CGB7: variants seen among roughly 807,000 people sequenced by gnomAD.
CGB7 encodes the protein chorionic gonadotropin subunit beta 7.
In CGB7, 6 loss-of-function variants were observed where a neutral mutation model predicts 7.3. The ratio of observed to expected loss-of-function variants is 0.82; its 90% CI spans 0.45 to 1.62. The LOEUF is 1.62. CGB7 is among the 40% of genes most tolerant of loss of function. CGB7 has a pLI of 0.01. For synonymous variants in CGB7, 47 were observed against 100.8 expected, an observed-to-expected ratio of 0.47 and a Z score of 3.20; for missense variants, 114 against 236.2, an observed-to-expected ratio of 0.48 and a Z score of 3.39.
rs1388342373 is a variant in CGB7, at chr19:49,056,230, G to A, written c.-855C>T. On this transcript the variant is annotated 5_prime_UTR_variant, in exon 3 of 5. Coordinates refer to ENST00000684222, the MANE Select transcript of CGB7 (RefSeq NM_001385261.1). ...GCCCAGAGCTCTGCTCCGCCCCCAC[G>A]CCAGGGGGCGTGTCTGGGGTGGGGC... 7.8e-7 allele frequency: 1 copy of A among 1,287,872 alleles called. No individual in the cohort carries two copies. The highest frequency in any genetic ancestry group is 2.3e-5 in the Admixed American group (1 of 43,266). The allele number at this position is 1,287,872 out of a possible 1,614,324, so 79.8% of individuals were successfully genotyped here. A position where few individuals can be genotyped will look rare whatever the true frequency, so the allele number is the denominator to read the frequency against.
chr19:49,057,029 G>A, intron 2 of CGB7, 92 bp downstream of exon 2: 1 of 1,349,360 alleles, frequency 7.4e-7, no homozygotes. Flanking sequence ...GAGACCACCG[G>A]TCAGGGAATG....
rs1165988461 is a variant in CGB7 at position 49,055,020 on chromosome 19, A to T, written c.16-12T>A. ...AACAGCAGCAGCCCCTGGGACAAGGACACTGCTTCACCCGGGCCTGAGACC... is the reference window on the plus strand; with the variant it reads ...AACAGCAGCAGCCCCTGGGACAAGGTCACTGCTTCACCCGGGCCTGAGACC... On this transcript the variant is annotated splice_polypyrimidine_tract_variant and intron_variant, in intron 3 of 4. Transcript: ENST00000684222. 6.2e-6 allele frequency: 10 copies of T among 1,601,272 alleles called. No individual in the cohort carries two copies. The Admixed American group carries it at 8.3e-5, about 13-fold the overall frequency.
At position 49,055,447 on chromosome 19, in the gene CGB7, A is replaced by C; in HGVS notation, c.-72T>G. The C allele has an allele frequency of 6.2e-7, 1 of 1,606,806 alleles. No individual in the cohort carries two copies. Among genetic ancestry groups the C allele is most frequent in the South Asian group, 1.1e-5 (1 of 89,356 alleles). ...TTGTGGGGGCGTCAAGGCCACCAGG[A>C]GGTTGTAGGATGCTGGAGTGAGCTG... On this transcript the variant is annotated 5_prime_UTR_variant, in exon 3 of 5. Transcript: ENST00000684222.
Position 49,055,592 on chromosome 19 carries a change from C to A in CGB7, c.-217G>T, listed in dbSNP as rs974591937. 3 of 1,467,914 alleles carry A rather than the reference C, an allele frequency of 2.0e-6. No homozygotes were observed. Among genetic ancestry groups the A allele is most frequent in the Non-Finnish European group, 1.8e-6 (2 of 1,111,306 alleles). 90.9% of individuals were successfully genotyped at this position (1,467,914 alleles called of 1,614,324 possible). A position where few individuals can be genotyped will look rare whatever the true frequency, so the allele number is the denominator to read the frequency against. ...AGCGCCAAGGATGAGGCGGAGACCA[C>A]GGTGAAGTGACCTCTGAGACTCAGT... On this transcript the variant is annotated 5_prime_UTR_variant, in exon 3 of 5. Coordinates refer to ENST00000684222, the MANE Select transcript of CGB7 (RefSeq NM_001385261.1).
intron 4 of CGB7, 115 bp downstream of exon 4, chr19:49,054,726 C>T (rs895845822): frequency 7.0e-6 from 9 of 1,282,778 alleles, no homozygotes; most frequent in African/African-American, 1.6e-5. Context: ...TTCCTGCCCT[C>T]CCACACCCCA....
At position 49,054,996 on chromosome 19, in the gene CGB7, ACAG is replaced by A. The variant is rs1485755322; in HGVS notation, c.25_27del (p.Leu13del). 1 of 1,602,366 alleles carries A rather than the reference ACAG, an allele frequency of 6.2e-7. No individual in the cohort carries two copies. Among genetic ancestry groups the A allele is most frequent in the African/African-American group, 1.3e-5 (1 of 74,170 alleles). On this transcript the variant is annotated inframe_deletion, in exon 4 of 5. Coordinates refer to ENST00000684222, the MANE Select transcript of CGB7 (RefSeq NM_001385261.1). ...GTCCCGCCCATGCTCAGCAGCAGCAACAGCAGCAGCCCCTGGGACAAGGACACT... is the reference window on the plus strand; with the variant it reads ...GTCCCGCCCATGCTCAGCAGCAGCAACAGCAGCCCCTGGGACAAGGACACT...
chr19:49,054,814 C>T (rs752342876), intron 4 of CGB7, 27 bp downstream of exon 4: 1 of 1,563,428 alleles, frequency 6.4e-7, no homozygotes, highest in South Asian at 1.1e-5. Context: ...GAGGTGGCAG[C>T]ACCTGCCCGG....
At position 49,056,570 on chromosome 19, in the gene CGB7, T is replaced by A; in HGVS notation, c.-1195A>T. 1 of 1,295,840 alleles carries A rather than the reference T, an allele frequency of 7.7e-7. No homozygotes were observed. Among genetic ancestry groups the A allele is most frequent in the Non-Finnish European group, 1.0e-6 (1 of 992,488 alleles). 80.3% of individuals were successfully genotyped at this position (1,295,840 alleles called of 1,614,324 possible). ...AAGCTCCAGTAGGTCAGGTAGTCCTTGCGGGGGTATCCGGACGGCTCCGTC... is the reference window on the plus strand; with the variant it reads ...AAGCTCCAGTAGGTCAGGTAGTCCTAGCGGGGGTATCCGGACGGCTCCGTC... On this transcript the variant is annotated 5_prime_UTR_variant, in exon 3 of 5. Transcript: ENST00000684222.
At position 49,057,192 on chromosome 19, in the gene CGB7, G is replaced by A. The variant is rs752082766; in HGVS notation, c.-1292C>T. 1 of 1,534,586 alleles carries A rather than the reference G, an allele frequency of 6.5e-7. No homozygotes were observed. Among genetic ancestry groups the A allele is most frequent in the Non-Finnish European group, 8.7e-7 (1 of 1,146,410 alleles). On this transcript the variant is annotated 5_prime_UTR_variant, in exon 2 of 5. Coordinates refer to ENST00000684222, the MANE Select transcript of CGB7 (RefSeq NM_001385261.1). Reference sequence around the variant, plus strand: ...GGCGGCGGTTCAGGACGCCCCGGTCGGATACTGTGAAGGGTGGGCCAGACA... The same window carrying A: ...GGCGGCGGTTCAGGACGCCCCGGTCAGATACTGTGAAGGGTGGGCCAGACA...
Position 49,056,459 on chromosome 19 carries a change from C to A in CGB7, c.-1084G>T, listed in dbSNP as rs1198532929. On this transcript the variant is annotated 5_prime_UTR_variant, in exon 3 of 5. Coordinates refer to ENST00000684222, the MANE Select transcript of CGB7 (RefSeq NM_001385261.1). ...GGTTTCCTGAGCCGGAGACATGGCC[C>A]GCCGTGCGGCGCTCGAGGCGGCCTG... The A allele has an allele frequency of 2.3e-6, 3 of 1,299,636 alleles. No individual in the cohort carries two copies. The highest frequency in any genetic ancestry group is 3.0e-6 in the Non-Finnish European group (3 of 995,428). 80.5% of individuals were successfully genotyped at this position (1,299,636 alleles called of 1,614,324 possible).
At position 49,054,276 on chromosome 19, in the gene CGB7, C is replaced by G. The variant is rs187452525; in HGVS notation, c.*15G>C. The G allele has an allele frequency of 3.7e-6, 6 of 1,606,046 alleles. No homozygotes were observed. In the African/African-American group the frequency reaches 5.4e-5, roughly 14 times the overall value. On this transcript the variant is annotated 3_prime_UTR_variant, in exon 5 of 5. Transcript: ENST00000684222. ...CCCACAGAAAGACACCGCCAGAGTG[C>G]GGATTGAGAAGCCTTTATTGTGGGA...
rs756879980 is a variant in CGB7, at chr19:49,054,891, C to T, written c.133G>A (p.Val45Met). 1.4e-5 allele frequency: 22 copies of T among 1,590,490 alleles called. No homozygotes were observed. Among genetic ancestry groups the T allele is most frequent in the South Asian group, 8.9e-5 (8 of 90,336 alleles). ...ATGGTGGTGTTGACGGTGATGCACACGGGGCAGCCCTCCTTCTCCACAGCC... is the reference window on the plus strand; with the variant it reads ...ATGGTGGTGTTGACGGTGATGCACATGGGGCAGCCCTCCTTCTCCACAGCC... ...TLAVEKEGCP[V>M]CITVNTTICA... The change falls in exon 4 of 5, where the codon GTG (valine) becomes ATG (methionine). Residue 45 changes from valine (V) to methionine (M), a missense_variant. Around this residue, in one of 3 missense-constraint regions of CGB7, gnomAD observed 58 missense variants for 91.7 expected, o/e 0.63. Coordinates refer to ENST00000684222, the MANE Select transcript of CGB7 (RefSeq NM_001385261.1).
In CGB7 at chr19:49,054,449, G is replaced by C. The variant is rs1164537290; in HGVS notation, c.340C>G (p.Arg114Gly). The change falls in exon 5 of 5, where the codon CGC (arginine) becomes GGC (glycine). Residue 114 changes from arginine to glycine, a missense_variant. Transcript: ENST00000684222. ...VALSCQCALCRRSTTDCGGPK... is the reference protein window; with the variant it reads ...VALSCQCALCGRSTTDCGGPK... ...CCCCCGCAGTCAGTGGTGCTGCGGC[G>C]GCAGAGTGCACATTGACAGCTGAGA... is the stretch of plus-strand genomic sequence containing the variant. The C allele has an allele frequency of 2.5e-6, 4 of 1,593,094 alleles. No homozygotes were observed. In the East Asian group the frequency reaches 9.0e-5, roughly 36 times the overall value.
chr19:49,055,534 C>G lies in CGB7; in HGVS notation c.-159G>C, dbSNP rs932655810. 4 of 1,571,020 alleles carry G rather than the reference C, an allele frequency of 2.5e-6. No homozygotes were observed. The African/African-American group carries it at 5.4e-5, about 21-fold the overall frequency. The stretch of plus-strand genomic sequence containing the variant: ...CCAGGGAGGCACAGGAGTGGCTCAG[C>G]GGAGCACCCCAGTCCTCTCCCCTCA... On this transcript the variant is annotated 5_prime_UTR_variant, in exon 3 of 5. Transcript: ENST00000684222.
chr19:49,056,363 G>A lies in CGB7; in HGVS notation c.-988C>T. The A allele has an allele frequency of 3.9e-6, 5 of 1,295,592 alleles. No individual in the cohort carries two copies. The highest frequency in any genetic ancestry group is 5.0e-6 in the Non-Finnish European group (5 of 992,426). The allele number at this position is 1,295,592 out of a possible 1,614,324, so 80.3% of individuals were successfully genotyped here. ...TATGCCCGGCAGGGGCTTCCAGTGG[G>A]GGCCACCCCAAGTCGCCTCCAGCGG... On this transcript the variant is annotated 5_prime_UTR_variant, in exon 3 of 5. Transcript: ENST00000684222.
Position 49,055,998 on chromosome 19 carries a change from G to A in CGB7, c.-623C>T. The A allele has an allele frequency of 2.7e-6, 3 of 1,126,940 alleles. No homozygotes were observed. Among genetic ancestry groups the A allele is most frequent in the Non-Finnish European group, 3.3e-6 (3 of 909,664 alleles). 69.8% of individuals were successfully genotyped at this position (1,126,940 alleles called of 1,614,324 possible). On this transcript the variant is annotated 5_prime_UTR_variant, in exon 3 of 5. Transcript: ENST00000684222. ...GTCCCCGGAAATGCGTGTGCTTCAG[G>A]TGATTTAACTGATTATTGAATAGGC...
chr19:49,055,239 T>A (rs1600240443), intron 3 of CGB7, 122 bp downstream of exon 3: 1 of 1,602,450 alleles, frequency 6.2e-7, no homozygotes, highest in South Asian at 1.1e-5. Flanking sequence ...ACGTGAAGCT[T>A]ATTGGGGGTC....
In CGB7 at chr19:49,056,592, C is replaced by G. The variant is rs1249224558; in HGVS notation, c.-1217G>C. On this transcript the variant is annotated 5_prime_UTR_variant, in exon 3 of 5. Transcript: ENST00000684222. The stretch of plus-strand genomic sequence containing the variant: ...CCTTGCGGGGGTATCCGGACGGCTC[C>G]GTCCTGTGGGAGCAGGGCGGGATGG... 14 of 1,284,596 alleles carry G rather than the reference C, an allele frequency of 1.1e-5. No homozygotes were observed. The highest frequency in any genetic ancestry group is 4.7e-5 in the Admixed American group (2 of 42,710). 79.6% of individuals were successfully genotyped at this position (1,284,596 alleles called of 1,614,324 possible).
chr19:49,055,655 G>C lies in CGB7; in HGVS notation c.-280C>G. ...GGGACTAGTCGAGGCTGGAGGCACA[G>C]AGAGTAGGGTGTAGGAAGGCCTGCC... On this transcript the variant is annotated 5_prime_UTR_variant, in exon 3 of 5. Coordinates refer to ENST00000684222, the MANE Select transcript of CGB7 (RefSeq NM_001385261.1). 1.0e-5 allele frequency: 14 copies of C among 1,392,514 alleles called. No homozygotes were observed. In the South Asian group the frequency reaches 2.0e-4, roughly 20 times the overall value. 86.3% of individuals were successfully genotyped at this position (1,392,514 alleles called of 1,614,324 possible). A position where few individuals can be genotyped will look rare whatever the true frequency, so the allele number is the denominator to read the frequency against.
Sources: allele counts gnomAD v4.1 joint callset, GRCh38; gene constraint gnomAD v4.1.1; regional missense constraint gnomAD v4.1.1; transcripts MANE v1.5; gene names NCBI Gene and HGNC (gene_info 2026-07-23, HGNC 2026-07-21).